MAP4: variants seen among roughly 807,000 people sequenced by gnomAD.
MAP4 encodes microtubule associated protein 4, also known as microtubule-associated protein 4.
A neutral mutation model predicts 170.2 loss-of-function variants in MAP4; 76 were observed. The observed-to-expected ratio is 0.45, with a 90% confidence interval of 0.37 to 0.54. The LOEUF is 0.54. Ranked by LOEUF, MAP4 falls within the 20% of genes least tolerant of loss-of-function variation. MAP4 has a pLI of 0.00. For synonymous variants in MAP4, 909 were observed against 994.5 expected (o/e 0.91, Z 1.62); for missense variants, 2,506 against 2,748.0 (o/e 0.91, Z 1.97).
At chr3:47,896,111 C>T (rs926062218) in intron 10 of MAP4, among the ~76,000 whole-genome samples, 9 of 152,200 alleles carry the variant, frequency 5.9e-5, no homozygotes, top group East Asian at 1.9e-4. Context: ...TTGGTGGTCA[C>T]CCAGGGGTCT....
At chr3:47,874,713 T>C (rs1559855151) in intron 12 of MAP4, among the ~76,000 whole-genome samples, 1 of 152,132 alleles carries the variant, frequency 6.6e-6, no homozygotes, top group Non-Finnish European at 1.5e-5. Flanking sequence ...AGCAACCAAC[T>C]GGATAAATGA....
intron 1 of MAP4, among the ~76,000 whole-genome samples, chr3:48,000,171 C>T (rs1280905298): frequency 2.1e-5 from 3 of 146,002 alleles, no homozygotes; most frequent in East Asian, 2.0e-4. Context: ...ACCGAGGTTG[C>T]GCCACTGCAC....
chr3:47,994,146 T>C (rs1428028606), intron 2 of MAP4, among the ~76,000 whole-genome samples: 1 of 152,164 alleles, frequency 6.6e-6, no homozygotes, highest in Non-Finnish European at 1.5e-5. Context: ...TCTTCATTTT[T>C]CTTCATTTAA....
At chr3:47,921,709 T>C (rs947688204) in intron 5 of MAP4, 56 bp downstream of exon 5, 2 of 1,012,870 alleles carry the variant, frequency 2.0e-6, no homozygotes, top group Non-Finnish European at 3.1e-6. Flanking sequence ...CAAAGATGAG[T>C]AAAGAAAAAA....
chr3:48,061,958 GA>G (rs1220189746), intron 1 of MAP4, among the ~76,000 whole-genome samples: 1 of 152,164 alleles, frequency 6.6e-6, no homozygotes, highest in African/African-American at 2.4e-5. Context: ...TCTGGGAAGT[GA>G]GGAGCCCCTC....
chr3:47,866,170 C>G (rs963062006), intron 17 of MAP4, among the ~76,000 whole-genome samples: 1 of 151,834 alleles, frequency 6.6e-6, no homozygotes, highest in African/African-American at 2.4e-5. Flanking sequence ...AACCCCGTCT[C>G]TACTAAAAAT....
At chr3:47,946,654 C>CAAAAAAAAAAAAAAAAAA (rs11427271) in intron 3 of MAP4, among the ~76,000 whole-genome samples, 1 of 40,814 alleles carries the variant, frequency 2.5e-5, no homozygotes, top group Non-Finnish European at 4.5e-5. Context: ...AACTCCGTCT[C>CAAAAAAAAAAAAAAAAAA]AAAAAAAAAA....
chr3:47,867,267 C>T lies in MAP4; in HGVS notation c.6480G>A (p.Lys2160=), dbSNP rs1559820365. 2 of 1,612,664 alleles carry T rather than the reference C, an allele frequency of 1.2e-6. No individual in the cohort carries two copies. Among genetic ancestry groups the T allele is most frequent in the South Asian group, 2.2e-5 (2 of 90,982 alleles). ...QSKCGSKDNI[K]HVPGGGNVQI... ...TTACATTACCACCTCCAGGGACATG[C>T]TTAATATTGTCCTTGGAACCACACT... Residue 2160 remains lysine (K), a synonymous_variant, in exon 17 of 21, where the codon AAG becomes AAA. Coordinates refer to ENST00000683076, the MANE Select transcript of MAP4 (RefSeq NM_001385682.1).
rs562367682 is a variant in MAP4, at chr3:47,936,510, T to TA, written c.293-8161dup. On this transcript the variant is annotated intron_variant, in intron 3 of 20. Coordinates refer to ENST00000683076, the MANE Select transcript of MAP4 (RefSeq NM_001385682.1). ...GTATTATTCTAAAACCCTTATATGT[T>TA]AAAAAAAAAAAATCTAGCTACAAGC... 1.9e-3 allele frequency among the ~76,000 whole-genome samples: 270 copies of TA among 145,218 alleles called. 1 individual carries two copies. Among genetic ancestry groups the TA allele is most frequent in the South Asian group, 0.015 (70 of 4,564 alleles).
intron 12 of MAP4, among the ~76,000 whole-genome samples, chr3:47,872,388 TTAG>T (rs1416265481): frequency 1.3e-5 from 2 of 152,162 alleles, no homozygotes; most frequent in African/African-American, 4.8e-5. Flanking sequence ...TTTCACCGTG[TTAG>T]CCAGGATGAT....
chr3:47,993,729 G>A (rs571186004), intron 2 of MAP4, among the ~76,000 whole-genome samples: 6 of 152,214 alleles, frequency 3.9e-5, no homozygotes, highest in Admixed American at 1.3e-4. Flanking sequence ...ACCAAGAGGC[G>A]TAAGTGCTGT....
chr3:48,079,232 T>G (rs753691653), intron 1 of MAP4, among the ~76,000 whole-genome samples: 1 of 152,102 alleles, frequency 6.6e-6, no homozygotes, highest in Admixed American at 6.6e-5. Context: ...TCAAAGGAAA[T>G]GCTCACTAGA....
intron 13 of MAP4, 139 bp from the exon 14 acceptor site, chr3:47,871,425 G>T: frequency 1.4e-6 from 1 of 733,614 alleles, no homozygotes; most frequent in Non-Finnish European, 2.4e-6. Flanking sequence ...CCTGGGAATG[G>T]AGTGGTAAAT....
At chr3:47,983,369 T>G (rs757036129) in intron 2 of MAP4, among the ~76,000 whole-genome samples, 51 of 151,892 alleles carry the variant, frequency 3.4e-4, no homozygotes, top group Non-Finnish European at 6.6e-4. Context: ...ACCGCCACAG[T>G]TGGCTTATTT....
At chr3:47,946,235 A>T (rs1425970248) in intron 3 of MAP4, among the ~76,000 whole-genome samples, 1 of 150,762 alleles carries the variant, frequency 6.6e-6, no homozygotes, top group African/African-American at 2.4e-5. Context: ...GAGCCACCAC[A>T]CCCGGCCCCA....
intron 1 of MAP4, among the ~76,000 whole-genome samples, chr3:48,010,778 C>T (rs745448565): frequency 6.6e-6 from 1 of 152,050 alleles, no homozygotes; most frequent in Non-Finnish European, 1.5e-5. Flanking sequence ...CAGCCACCAG[C>T]GAATATAGAG....
At chr3:47,970,974 C>G (rs114546047) in intron 3 of MAP4, among the ~76,000 whole-genome samples, 63 of 152,278 alleles carry the variant, frequency 4.1e-4, no homozygotes, top group Non-Finnish European at 7.4e-4. Flanking sequence ...GGATTGTAGT[C>G]CATGAGCTGG....
At chr3:47,985,207 G>C (rs1260283959) in intron 2 of MAP4, among the ~76,000 whole-genome samples, 2 of 151,432 alleles carry the variant, frequency 1.3e-5, no homozygotes, top group Non-Finnish European at 1.5e-5. Flanking sequence ...CTGAACCTGG[G>C]AGGCGGAGGT....
At chr3:47,881,328 A>G (rs184133184) in intron 10 of MAP4, among the ~76,000 whole-genome samples, 109 of 150,322 alleles carry the variant, frequency 7.3e-4, no homozygotes, top group African/African-American at 2.5e-3. Flanking sequence ...GTGTATGCCT[A>G]TAAGACTCAG....
Sources: gnomAD v4.1 joint callset for allele counts (sites outside exome capture counted in the v4.1 genomes callset) on GRCh38, gnomAD v4.1.1 for gene constraint, MANE v1.5 for transcripts, NCBI Gene and HGNC (gene_info 2026-07-23, HGNC 2026-07-21) for gene names.